CDH8: variants seen among roughly 807,000 people sequenced by gnomAD.
The protein encoded by CDH8 is cadherin 8.
CDH8 carries 17 observed loss-of-function variants against 68.1 expected under a neutral mutation model. The ratio of observed to expected loss-of-function variants is 0.25; its 90% confidence interval spans 0.17 to 0.37. The LOEUF (loss-of-function observed/expected upper bound fraction) is 0.37. CDH8 is among the 10% of genes least tolerant of loss of function. CDH8 has a pLI of 1.00. For synonymous variants in CDH8, 372 were observed against 365.1 expected (o/e 1.02, Z -0.21); for missense variants, 763 against 999.3 (o/e 0.76, Z 3.19).
intron 10 of CDH8, among the ~76,000 whole-genome samples, chr16:61,710,360 TAC>T (rs1221980476): frequency 2.0e-5 from 3 of 152,084 alleles, no homozygotes. Context: ...TTATACTCTA[TAC>T]AGTTAACTAT....
intron 8 of CDH8, among the ~76,000 whole-genome samples, chr16:61,734,213 T>C (rs1007640473): frequency 5.3e-5 from 8 of 152,206 alleles, no homozygotes; most frequent in African/African-American, 1.9e-4. Context: ...AGAGCTTAAC[T>C]AGGTTGGAGG....
chr16:61,788,468 CA>C (rs1961292121), intron 8 of CDH8, among the ~76,000 whole-genome samples: 1 of 152,014 alleles, frequency 6.6e-6, no homozygotes, highest in Non-Finnish European at 1.5e-5. Flanking sequence ...AATTTGTGCA[CA>C]ACTTCAAAGT....
intron 3 of CDH8, among the ~76,000 whole-genome samples, chr16:61,891,163 TC>T (rs1432850113): frequency 6.6e-6 from 1 of 152,026 alleles, no homozygotes; most frequent in African/African-American, 2.4e-5. Flanking sequence ...CAACCTAAGA[TC>T]CCAAAAACAG....
intron 2 of CDH8, among the ~76,000 whole-genome samples, chr16:61,927,183 C>A (rs772472335): frequency 6.6e-6 from 1 of 152,142 alleles, no homozygotes; most frequent in African/African-American, 2.4e-5. Context: ...TCAGACAAAT[C>A]ATTTTACTTC....
At chr16:61,842,521 A>C (rs961641054) in intron 4 of CDH8, among the ~76,000 whole-genome samples, 3 of 152,106 alleles carry the variant, frequency 2.0e-5, no homozygotes, top group Non-Finnish European at 4.4e-5. Context: ...GAACAAATAA[A>C]CTTTTGTTTA....
intron 7 of CDH8, among the ~76,000 whole-genome samples, chr16:61,807,494 AAAAACAAAAAC>A (rs1308726735): frequency 6.6e-6 from 1 of 151,644 alleles, no homozygotes; most frequent in Non-Finnish European, 1.5e-5. Context: ...ACAAAAAACA[AAAAACAAAAAC>A]AAACAAACAA....
At chr16:61,699,245 G>C (rs1461061058) in intron 10 of CDH8, among the ~76,000 whole-genome samples, 3 of 152,160 alleles carry the variant, frequency 2.0e-5, no homozygotes, top group Non-Finnish European at 2.9e-5. Flanking sequence ...CCACGTTTTA[G>C]TCTCAAAAAC....
At chr16:61,850,858 A>G (rs1962924402) in intron 4 of CDH8, among the ~76,000 whole-genome samples, 2 of 152,032 alleles carry the variant, frequency 1.3e-5, no homozygotes, top group South Asian at 4.1e-4. Flanking sequence ...TATGTCATGA[A>G]CCCTATATTA....
intron 3 of CDH8, among the ~76,000 whole-genome samples, chr16:61,883,336 G>T (rs1193490719): frequency 6.6e-6 from 1 of 151,946 alleles, no homozygotes; most frequent in Non-Finnish European, 1.5e-5. Flanking sequence ...TTAGACTGAA[G>T]ATAATATATC....
intron 8 of CDH8, among the ~76,000 whole-genome samples, chr16:61,739,512 T>C (rs1959799381): frequency 6.6e-6 from 1 of 151,526 alleles, no homozygotes; most frequent in South Asian, 2.1e-4. Flanking sequence ...TCAGGGTATA[T>C]ATGGGTTGAA....
Position 61,960,288 on chromosome 16 carries a change from T to C in CDH8, c.253-58815A>G, listed in dbSNP as rs564365882. Among the ~76,000 whole-genome samples, 7 of 99,896 alleles carry C rather than the reference T, an allele frequency of 7.0e-5. 1 individual carries two copies. The highest frequency in any genetic ancestry group is 1.9e-4 in the Admixed American group (2 of 10,596). The allele number at this position is 99,896 out of a possible 152,430, so 65.5% of individuals were successfully genotyped here. ...ATATACGTGTGTGTGTATACACACATATATACGTGTGTGTGTATACACACA... is the reference window on the plus strand; with the variant it reads ...ATATACGTGTGTGTGTATACACACACATATACGTGTGTGTGTATACACACA... On this transcript the variant is annotated intron_variant, in intron 2 of 11. Coordinates refer to ENST00000577390, the MANE Select transcript of CDH8 (RefSeq NM_001796.5).
At chr16:61,921,136 G>T (rs909514602) in intron 2 of CDH8, among the ~76,000 whole-genome samples, 1 of 148,124 alleles carries the variant, frequency 6.8e-6, no homozygotes. Flanking sequence ...GATAGCATTG[G>T]GAGATATACC....
At chr16:61,909,336 C>G (rs1964120812) in intron 2 of CDH8, among the ~76,000 whole-genome samples, 1 of 152,170 alleles carries the variant, frequency 6.6e-6, no homozygotes, top group Admixed American at 6.5e-5. Flanking sequence ...ACTGCTTGTG[C>G]TACTCTTTTA....
At chr16:61,831,726 T>A (rs1232598655) in intron 4 of CDH8, among the ~76,000 whole-genome samples, 1 of 151,866 alleles carries the variant, frequency 6.6e-6, no homozygotes, top group Non-Finnish European at 1.5e-5. Flanking sequence ...AAGGGGATGC[T>A]GATTGACTCT....
intron 10 of CDH8, among the ~76,000 whole-genome samples, chr16:61,679,455 C>T (rs1029252899): frequency 2.0e-5 from 3 of 151,908 alleles, no homozygotes; most frequent in Admixed American, 6.6e-5. Context: ...ATGCAATTAG[C>T]ATCTGTCAGA....
rs1963250447 is a variant in CDH8 at position 61,648,442 on chromosome 16, T to C, written c.*5166A>G. 6.6e-6 allele frequency: 1 copy of C among 152,110 alleles called. No homozygotes were observed. The highest frequency in any genetic ancestry group is 2.1e-4 in the South Asian group (1 of 4,832). 9.4% of individuals were successfully genotyped at this position (152,110 alleles called of 1,614,324 possible). On this transcript the variant is annotated 3_prime_UTR_variant, in exon 12 of 12. Coordinates refer to ENST00000577390, the MANE Select transcript of CDH8 (RefSeq NM_001796.5). Reference sequence around the variant, plus strand: ...TCTTCTTGAGTCTTCCCATATGGGGTCCCTTACTTCCTCCTCAGTACTTCC... The same window carrying C: ...TCTTCTTGAGTCTTCCCATATGGGGCCCCTTACTTCCTCCTCAGTACTTCC...
At chr16:61,654,143 A>C (rs902533010) in intron 11 of CDH8, 42 bp from the exon 12 acceptor site, 1 of 1,564,478 alleles carries the variant, frequency 6.4e-7, no homozygotes, top group Admixed American at 1.8e-5. Context: ...AAACAAGCAT[A>C]TAATTTCACA....
In CDH8 at chr16:61,960,014, A is replaced by G. The variant is rs1182578523; in HGVS notation, c.253-58541T>C. On this transcript the variant is annotated intron_variant, in intron 2 of 11. Transcript: ENST00000577390. ...TATATATATATATATATATATATATATACACACATACACACACACACACAA... is the reference window on the plus strand; with the variant it reads ...TATATATATATATATATATATATATGTACACACATACACACACACACACAA... Among the ~76,000 whole-genome samples, 3 of 78,534 alleles carry G rather than the reference A, an allele frequency of 3.8e-5. 1 individual carries two copies. Among genetic ancestry groups the G allele is most frequent in the African/African-American group, 2.8e-4 (3 of 10,782 alleles). 51.5% of individuals were successfully genotyped at this position (78,534 alleles called of 152,430 possible). A position where few individuals can be genotyped will look rare whatever the true frequency, so the allele number is the denominator to read the frequency against.
intron 3 of CDH8, among the ~76,000 whole-genome samples, chr16:61,891,849 T>C (rs1963784181): frequency 6.6e-6 from 1 of 152,158 alleles, no homozygotes; most frequent in Admixed American, 6.6e-5. Context: ...TCCATCAAGA[T>C]ATGCTTTTCC....
Sources: allele counts gnomAD v4.1 joint callset (sites outside exome capture counted in the v4.1 genomes callset), GRCh38; gene constraint gnomAD v4.1.1; transcripts MANE v1.5; gene names NCBI Gene and HGNC (gene_info 2026-07-23, HGNC 2026-07-21).